Variants in RORA observed in about 807,000 individuals in gnomAD.
RORA encodes the protein RAR related orphan receptor A.
RORA carries 7 observed loss-of-function variants against 69.5 expected under a neutral mutation model. The ratio of observed to expected loss-of-function variants is 0.10; its 90% confidence interval spans 0.06 to 0.19. RORA has a LOEUF of 0.19. Ranked by LOEUF, RORA falls within the 10% of genes least tolerant of loss-of-function variation. The probability of loss-of-function intolerance (pLI) is 1.00; values close to 1 mark genes in which losing one functional copy is unlikely to be tolerated. For missense variants in RORA, 457 were observed against 663.0 expected (o/e 0.69, Z 3.41); for synonymous variants, 261 against 240.8 (o/e 1.08, Z -0.78).
At chr15:61,019,524 C>T (rs1316159681) in intron 1 of RORA, among the ~76,000 whole-genome samples, 3 of 152,082 alleles carry the variant, frequency 2.0e-5, no homozygotes, top group South Asian at 2.1e-4. Context: ...GTTTTGTCTT[C>T]GTGCTAAATA....
At chr15:61,190,350 C>CATGA (rs1488655338) in intron 1 of RORA, among the ~76,000 whole-genome samples, 1 of 152,146 alleles carries the variant, frequency 6.6e-6, no homozygotes, top group Admixed American at 6.5e-5. Flanking sequence ...GCATGGAAAG[C>CATGA]ATGATGTTGC....
intron 1 of RORA, among the ~76,000 whole-genome samples, chr15:60,711,136 C>T (rs139245894): frequency 2.6e-5 from 4 of 152,282 alleles, no homozygotes; most frequent in South Asian, 2.1e-4. Context: ...TGCCTCTGTA[C>T]GGCCTCATAA....
intron 1 of RORA, among the ~76,000 whole-genome samples, chr15:61,052,365 G>C (rs1209708227): frequency 6.6e-6 from 1 of 152,222 alleles, no homozygotes; most frequent in Non-Finnish European, 1.5e-5. Context: ...AAGTCAGGAT[G>C]GGAAAGCCTC....
At chr15:60,907,226 G>T (rs1891570171) in intron 1 of RORA, among the ~76,000 whole-genome samples, 1 of 152,176 alleles carries the variant, frequency 6.6e-6, no homozygotes, top group Non-Finnish European at 1.5e-5. Flanking sequence ...GGGCTACACG[G>T]CACAGAAGAG....
At chr15:61,207,462 A>T (rs2140933492) in intron 1 of RORA, among the ~76,000 whole-genome samples, 1 of 152,354 alleles carries the variant, frequency 6.6e-6, no homozygotes, top group South Asian at 2.1e-4. Context: ...GAAGCTCAGC[A>T]AATGGAAGTG....
At chr15:60,656,540 A>G (rs1318218958) in intron 2 of RORA, among the ~76,000 whole-genome samples, 1 of 152,192 alleles carries the variant, frequency 6.6e-6, no homozygotes, top group Non-Finnish European at 1.5e-5. Flanking sequence ...TTTTAAAACA[A>G]TAGTAATCAA....
intron 2 of RORA, among the ~76,000 whole-genome samples, chr15:60,661,850 G>C (rs1333928574): frequency 2.0e-5 from 3 of 152,188 alleles, no homozygotes; most frequent in Admixed American, 2.0e-4. Context: ...AGAGGGAACA[G>C]GGGTATTTTG....
intron 2 of RORA, among the ~76,000 whole-genome samples, chr15:60,619,868 T>G (rs2069356445): frequency 6.6e-6 from 1 of 152,272 alleles, no homozygotes; most frequent in African/African-American, 2.4e-5. Context: ...GTACCGCATC[T>G]TTGCCTGCTT....
rs1340778144 is a variant in RORA, at chr15:60,490,769, CAAG to C, written c.*6683_*6685del. 1 of 152,018 alleles carries C rather than the reference CAAG, an allele frequency of 6.6e-6. No homozygotes were observed. The highest frequency in any genetic ancestry group is 1.5e-5 in the Non-Finnish European group (1 of 67,934). 9.4% of individuals were successfully genotyped at this position (152,018 alleles called of 1,614,324 possible). Reference sequence around the variant, plus strand: ...ACCTATTTTTTTTGTACTTTGGAAACAAGAATATTGTTAAAGGTGCCATAAAAA... The same window carrying C: ...ACCTATTTTTTTTGTACTTTGGAAACAATATTGTTAAAGGTGCCATAAAAA... On this transcript the variant is annotated 3_prime_UTR_variant, in exon 11 of 11. Coordinates refer to ENST00000335670, the MANE Select transcript of RORA (RefSeq NM_134261.3). The surrounding 1 kb of genome is among the most constrained non-coding windows in gnomAD (Gnocchi z 4.1).
At chr15:61,103,192 G>A (rs1217074394) in intron 1 of RORA, among the ~76,000 whole-genome samples, 1 of 152,168 alleles carries the variant, frequency 6.6e-6, no homozygotes, top group East Asian at 1.9e-4. Context: ...TGAGATGTGG[G>A]CTGCCCTCCT....
intron 1 of RORA, among the ~76,000 whole-genome samples, chr15:60,737,518 T>G (rs958733475): frequency 3.3e-5 from 5 of 152,212 alleles, no homozygotes; most frequent in Non-Finnish European, 5.9e-5. Context: ...CCAGACTGAC[T>G]GAATCAGAAA....
chr15:60,616,429 T>A (rs973757205), intron 2 of RORA, among the ~76,000 whole-genome samples: 2 of 152,116 alleles, frequency 1.3e-5, no homozygotes, highest in African/African-American at 4.8e-5. Flanking sequence ...CTGTCATTGG[T>A]TGGTGAGGAT....
At chr15:60,848,510 C>T (rs1346625273) in intron 1 of RORA, 1 of 152,272 alleles carries the variant, frequency 6.6e-6, no homozygotes, top group Non-Finnish European at 1.5e-5. Context: ...ACGATTCTTC[C>T]CTGAAGCCTT....
chr15:60,613,991 A>C (rs1169421034), intron 2 of RORA, among the ~76,000 whole-genome samples: 1 of 152,128 alleles, frequency 6.6e-6, no homozygotes, highest in East Asian at 1.9e-4. Flanking sequence ...TAATTGGAAA[A>C]ACATGAAAAT....
At position 60,594,420 on chromosome 15, in the gene RORA, G is replaced by A. The variant is rs558065257; in HGVS notation, c.197-62569C>T. On this transcript the variant is annotated intron_variant, in intron 2 of 10. Coordinates refer to ENST00000335670, the MANE Select transcript of RORA (RefSeq NM_134261.3). ...TTTTCTTTCTTTTGTATCGTTAAAG[G>A]ATGGAAAACCATCGGAGACTGCATC... Among the ~76,000 whole-genome samples the A allele has an allele frequency of 4.6e-5, 7 of 152,308 alleles. No homozygotes were observed. The South Asian group carries it at 1.4e-3, about 32-fold the overall frequency.
At chr15:60,889,972 A>G (rs1268909478) in intron 1 of RORA, among the ~76,000 whole-genome samples, 1 of 152,240 alleles carries the variant, frequency 6.6e-6, no homozygotes, top group Non-Finnish European at 1.5e-5. Context: ...CAAGTAATTT[A>G]CCAACTTTGA....
chr15:61,229,046 C>T lies in RORA; in HGVS notation c.166+7G>A. The T allele has an allele frequency of 2.0e-6, 3 of 1,510,546 alleles. No homozygotes were observed. Among genetic ancestry groups the T allele is most frequent in the Non-Finnish European group, 2.7e-6 (3 of 1,128,352 alleles). The allele number at this position is 1,510,546 out of a possible 1,614,324, so 93.6% of individuals were successfully genotyped here. Reference sequence around the variant, plus strand: ...GCCCCCTCCCCAGCCCCTCTCCAGCCTCCTACCTCTGCTGGTGCTGGAATA... The same window carrying T: ...GCCCCCTCCCCAGCCCCTCTCCAGCTTCCTACCTCTGCTGGTGCTGGAATA... On this transcript the variant is annotated splice_region_variant and intron_variant, in intron 1 of 10. Transcript: ENST00000335670.
At chr15:60,741,838 C>T (rs2071579097) in intron 1 of RORA, among the ~76,000 whole-genome samples, 1 of 152,180 alleles carries the variant, frequency 6.6e-6, no homozygotes, top group Non-Finnish European at 1.5e-5. Flanking sequence ...TCTTTCCACA[C>T]TTCCTGCATG....
At chr15:60,850,077 C>T (rs1400469170) in intron 1 of RORA, among the ~76,000 whole-genome samples, 1 of 152,146 alleles carries the variant, frequency 6.6e-6, no homozygotes, top group Non-Finnish European at 1.5e-5. Context: ...GGCGGTATAG[C>T]TAACGCACAG....
Sources: allele counts gnomAD v4.1 joint callset (sites outside exome capture counted in the v4.1 genomes callset), GRCh38; gene constraint gnomAD v4.1.1; non-coding constraint Gnocchi (gnomAD v3.1); transcripts MANE v1.5; gene names NCBI Gene and HGNC (gene_info 2026-07-23, HGNC 2026-07-21).